Variants in NETO1 observed in about 807,000 individuals in gnomAD.
NETO1 encodes neuropilin and tolloid like 1, also known as neuropilin and tolloid-like protein 1.
Under a neutral mutation model 61.3 loss-of-function variants are expected in NETO1, and 26 were observed. The observed-to-expected ratio is 0.42, with a 90% CI of 0.31 to 0.59. The LOEUF (loss-of-function observed/expected upper bound fraction) is 0.59, where lower values mean the gene tolerates loss of function less well. Ranked by LOEUF, NETO1 falls within the 20% of genes least tolerant of loss-of-function variation. The pLI is 0.12. For missense variants in NETO1, 531 were observed against 662.8 expected, an observed-to-expected ratio of 0.80 and a Z score of 2.18; for synonymous variants, 225 against 225.8, an observed-to-expected ratio of 1.00 and a Z score of 0.03.
chr18:72,864,966 T>C, intron 2 of NETO1, 21 bp from the exon 3 acceptor site: 1 of 1,554,176 alleles, frequency 6.4e-7, no homozygotes, highest in Non-Finnish European at 8.7e-7. Flanking sequence ...AAAAAAAAAG[T>C]TTTAAAAAGA....
At chr18:72,810,032 A>C (rs1041729502) in intron 4 of NETO1, among the ~76,000 whole-genome samples, 1 of 152,348 alleles carries the variant, frequency 6.6e-6, no homozygotes, top group East Asian at 1.9e-4. Context: ...CTAAAAAAAT[A>C]AAACATTGTG....
chr18:72,823,014 G>A (rs531722392), intron 4 of NETO1, among the ~76,000 whole-genome samples: 5 of 152,218 alleles, frequency 3.3e-5, no homozygotes, highest in Admixed American at 3.3e-4. Context: ...TTTCCTTCAA[G>A]CATCTCTGTA....
chr18:72,807,214 C>G (rs920313046), intron 4 of NETO1, among the ~76,000 whole-genome samples: 3 of 152,158 alleles, frequency 2.0e-5, no homozygotes, highest in Admixed American at 6.6e-5. Flanking sequence ...ATTATAGCTT[C>G]TCTTTTTGAG....
intron 4 of NETO1, among the ~76,000 whole-genome samples, chr18:72,818,526 A>G (rs896819656): frequency 6.6e-6 from 1 of 152,174 alleles, no homozygotes; most frequent in African/African-American, 2.4e-5. Context: ...AAATTTTCAT[A>G]TGTGATTTCA....
At chr18:72,794,464 T>G in intron 4 of NETO1, 60 bp from the exon 5 acceptor site, 1 of 1,498,494 alleles carries the variant, frequency 6.7e-7, no homozygotes, top group Non-Finnish European at 9.1e-7. Context: ...ACAGTGAGTT[T>G]AAGTTATTTA....
chr18:72,816,136 T>C (rs1189015095), intron 4 of NETO1, among the ~76,000 whole-genome samples: 1 of 151,478 alleles, frequency 6.6e-6, no homozygotes, highest in East Asian at 1.9e-4. Context: ...CTCTCCAGCC[T>C]GGAATTGGGG....
At chr18:72,865,087 A>G (rs1414864370) in intron 2 of NETO1, 101 bp downstream of exon 2, 2 of 1,401,548 alleles carry the variant, frequency 1.4e-6, no homozygotes, top group Non-Finnish European at 2.0e-6. Flanking sequence ...TATACATATT[A>G]TAACAGGTTC....
intron 4 of NETO1, chr18:72,833,999 C>G (rs1599109936): frequency 1.9e-6 from 1 of 527,784 alleles, no homozygotes; most frequent in African/African-American, 2.1e-5. Flanking sequence ...GTGAATACAA[C>G]ATTTTAACAC....
rs572742296 is a variant in NETO1 at position 72,793,574 on chromosome 18, T to A, written c.639+543A>T. 2.0e-4 allele frequency among the ~76,000 whole-genome samples: 31 copies of A among 152,288 alleles called. No homozygotes were observed. In the South Asian group the frequency reaches 6.4e-3, roughly 32 times the overall value. On this transcript the variant is annotated intron_variant, in intron 6 of 10. Coordinates refer to ENST00000327305, the MANE Select transcript of NETO1 (RefSeq NM_138966.5). ...AGGGTTTGATAATGCTGGACCCACA[T>A]TTTCTCATAACAGCATCACAAGGAG...
chr18:72,792,980 C>A (rs550923728), intron 6 of NETO1, among the ~76,000 whole-genome samples: 67 of 152,236 alleles, frequency 4.4e-4, no homozygotes, highest in African/African-American at 1.5e-3. Context: ...CCATTGACTT[C>A]CCCTACCTGG....
intron 4 of NETO1, among the ~76,000 whole-genome samples, chr18:72,839,079 A>G (rs926310267): frequency 6.6e-6 from 1 of 152,214 alleles, no homozygotes; most frequent in Non-Finnish European, 1.5e-5. Flanking sequence ...GACCTTTAAC[A>G]AATTTAAACT....
chr18:72,826,534 T>TC (rs990486538), intron 4 of NETO1, among the ~76,000 whole-genome samples: 3 of 152,080 alleles, frequency 2.0e-5, no homozygotes, highest in African/African-American at 7.2e-5. Flanking sequence ...ACCACTTTTT[T>TC]TTCACAATTC....
In NETO1 at chr18:72,750,664, A is replaced by C. The variant is rs752785687; in HGVS notation, c.983-44T>G. The C allele has an allele frequency of 2.1e-5, 29 of 1,405,888 alleles. 1 individual carries two copies. The South Asian group carries it at 2.5e-4, about 12-fold the overall frequency. The allele number at this position is 1,405,888 out of a possible 1,614,324, so 87.1% of individuals were successfully genotyped here. A position where few individuals can be genotyped will look rare whatever the true frequency, so the allele number is the denominator to read the frequency against. On this transcript the variant is annotated intron_variant, in intron 8 of 10. Coordinates refer to ENST00000327305, the MANE Select transcript of NETO1 (RefSeq NM_138966.5). ...GAAAACAACAAACGGACAAAAGAAGAAGCAACGCAGCAAACATTAATATTA... is the reference window on the plus strand; with the variant it reads ...GAAAACAACAAACGGACAAAAGAAGCAGCAACGCAGCAAACATTAATATTA...
chr18:72,852,685 T>C (rs1396935142), intron 4 of NETO1, among the ~76,000 whole-genome samples: 1 of 152,136 alleles, frequency 6.6e-6, no homozygotes, highest in Admixed American at 6.5e-5. Context: ...TCTCTCTTCA[T>C]TCCTCATCCC....
intron 7 of NETO1, among the ~76,000 whole-genome samples, chr18:72,763,580 A>G (rs1228216419): frequency 7.1e-6 from 1 of 140,370 alleles, no homozygotes; most frequent in Non-Finnish European, 1.6e-5. Context: ...ACAAACTCAT[A>G]CACCACACAC....
At chr18:72,781,338 A>T (rs887625353) in intron 7 of NETO1, among the ~76,000 whole-genome samples, 3 of 152,212 alleles carry the variant, frequency 2.0e-5, no homozygotes, top group Non-Finnish European at 4.4e-5. Flanking sequence ...TGAAGGAATG[A>T]TTCATTGAAT....
intron 7 of NETO1, among the ~76,000 whole-genome samples, chr18:72,776,686 T>G (rs2071559561): frequency 6.6e-6 from 1 of 152,168 alleles, no homozygotes; most frequent in Non-Finnish European, 1.5e-5. Flanking sequence ...TTATGAGGGC[T>G]CTGCTCCATA....
intron 4 of NETO1, among the ~76,000 whole-genome samples, chr18:72,839,125 T>G (rs925150287): frequency 2.6e-5 from 4 of 152,182 alleles, no homozygotes; most frequent in Non-Finnish European, 4.4e-5. Context: ...ATAAAATAAA[T>G]GATCAATTTT....
chr18:72,797,435 C>T (rs982375030), intron 4 of NETO1, among the ~76,000 whole-genome samples: 12 of 152,088 alleles, frequency 7.9e-5, no homozygotes, highest in Admixed American at 6.6e-4. Flanking sequence ...GCCATATGAC[C>T]TGCAAAAACA....
Sources: gnomAD v4.1 joint callset for allele counts (sites outside exome capture counted in the v4.1 genomes callset) on GRCh38, gnomAD v4.1.1 for gene constraint, MANE v1.5 for transcripts, NCBI Gene and HGNC (gene_info 2026-07-23, HGNC 2026-07-21) for gene names.